CPD: variants seen among roughly 807,000 people sequenced by gnomAD.
CPD encodes the protein carboxypeptidase D.
Under a neutral mutation model 138.3 loss-of-function variants are expected in CPD, and 69 were observed. That is an observed-to-expected ratio of 0.50 (90% confidence interval 0.41 to 0.61). The LOEUF (loss-of-function observed/expected upper bound fraction) is 0.61. CPD is among the 20% of genes least tolerant of loss of function. CPD has a pLI of 0.00. For synonymous variants in CPD, 651 were observed against 642.1 expected (o/e 1.01, Z -0.21); for missense variants, 1,432 against 1,733.3 (o/e 0.83, Z 3.09).
chr17:30,416,033 G>A (rs1276005499), intron 2 of CPD, among the ~76,000 whole-genome samples: 2 of 152,088 alleles, frequency 1.3e-5, no homozygotes, highest in Admixed American at 6.5e-5. Flanking sequence ...CATTTTTTGC[G>A]AGATGAAAAT....
At chr17:30,426,199 C>CAA (rs35054719) in intron 6 of CPD, among the ~76,000 whole-genome samples, 16 of 105,410 alleles carry the variant, frequency 1.5e-4, no homozygotes, top group Admixed American at 3.9e-4. Context: ...GGCTCCGTCT[C>CAA]AAAAAAAAAA....
At chr17:30,429,178 C>A (rs754959712) in intron 7 of CPD, among the ~76,000 whole-genome samples, 5 of 152,112 alleles carry the variant, frequency 3.3e-5, no homozygotes, top group Non-Finnish European at 7.4e-5. Context: ...CCCTGGTTGG[C>A]AAAATAAATT....
At chr17:30,452,041 G>C (rs999368509) in intron 14 of CPD, among the ~76,000 whole-genome samples, 195 bp downstream of exon 14, 2 of 152,114 alleles carry the variant, frequency 1.3e-5, no homozygotes, top group Non-Finnish European at 2.9e-5. Flanking sequence ...AATAATTTAA[G>C]TTTTTCATAG....
Position 30,423,638 on chromosome 17 carries a change from A to G in CPD, c.1790A>G (p.Asn597Ser). The change falls in exon 6 of 21, where the codon AAC (asparagine) becomes AGC (serine). Residue 597 changes from asparagine (N) to serine (S), a missense_variant. Around this residue, in one of 6 missense-constraint regions of CPD, gnomAD observed 297 missense variants for 405.3 expected, o/e 0.73. Coordinates refer to ENST00000225719, the MANE Select transcript of CPD (RefSeq NM_001304.5). Reference protein sequence around the residue: ...TDPEVTDLVHNTRIHLMPSMN... With the variant: ...TDPEVTDLVHSTRIHLMPSMN... ...CCTGAAGTCACAGATTTGGTTCATA[A>G]CACTAGAATTCACCTTATGCCATCC... 1 of 1,611,594 alleles carries G rather than the reference A, an allele frequency of 6.2e-7. No homozygotes were observed. Among genetic ancestry groups the G allele is most frequent in the Non-Finnish European group, 8.5e-7 (1 of 1,179,042 alleles).
chr17:30,450,057 CTTTT>C (rs931263363), intron 13 of CPD, among the ~76,000 whole-genome samples: 2 of 137,864 alleles, frequency 1.5e-5, no homozygotes, highest in African/African-American at 2.6e-5. Flanking sequence ...TAGTTCTTTA[CTTTT>C]TTTTTTTTTT....
At chr17:30,414,155 G>A (rs1378379225) in intron 2 of CPD, among the ~76,000 whole-genome samples, 2 of 152,192 alleles carry the variant, frequency 1.3e-5, no homozygotes, top group Non-Finnish European at 2.9e-5. Context: ...AGTGAAATAC[G>A]GGGAGTCTCT....
rs779470503 is a variant in CPD at position 30,379,475 on chromosome 17, G to T, written c.495G>T (p.Pro165=). The T allele has an allele frequency of 1.9e-6, 3 of 1,573,294 alleles. No homozygotes were observed. Among genetic ancestry groups the T allele is most frequent in the South Asian group, 2.3e-5 (2 of 87,730 alleles). ...CGGCCGGCTACCGCCGCGGGGACCCGCGCCTGGTCCGCCTGCTCAACACCA... is the reference window on the plus strand; with the variant it reads ...CGGCCGGCTACCGCCGCGGGGACCCTCGCCTGGTCCGCCTGCTCAACACCA... ...ELAAGYRRGD[P]RLVRLLNTTD... The change falls in exon 1 of 21, where the codon CCG becomes CCT. Residue 165 remains proline (P), a synonymous_variant. Coordinates refer to ENST00000225719, the MANE Select transcript of CPD (RefSeq NM_001304.5). The surrounding 1 kb of genome is among the most constrained non-coding windows in gnomAD (Gnocchi z 7.0).
intron 2 of CPD, among the ~76,000 whole-genome samples, chr17:30,399,387 G>A (rs938718572): frequency 6.6e-6 from 1 of 152,040 alleles, no homozygotes; most frequent in Non-Finnish European, 1.5e-5. Context: ...TGTCTTTTCT[G>A]CTGATTACTG....
At chr17:30,421,050 A>G in intron 3 of CPD, 67 bp downstream of exon 3, 2 of 1,385,200 alleles carry the variant, frequency 1.4e-6, no homozygotes, top group South Asian at 1.2e-5. Flanking sequence ...ATTTGGATGC[A>G]TGTGAATGAT....
At chr17:30,439,458 G>A (rs1912797835) in intron 9 of CPD, among the ~76,000 whole-genome samples, 1 of 120,238 alleles carries the variant, frequency 8.3e-6, no homozygotes, top group Non-Finnish European at 1.6e-5. Context: ...TGCACATTGT[G>A]CAGGTTAGTT....
rs746311122 is a variant in CPD, at chr17:30,423,038, CT to C, written c.1657+17del. 1.3e-6 allele frequency: 2 copies of C among 1,564,942 alleles called. No individual in the cohort carries two copies. The highest frequency in any genetic ancestry group is 4.5e-5 in the East Asian group (2 of 44,540). The stretch of plus-strand genomic sequence containing the variant: ...CCATGAACCAGGTAATTGGTATGGT[CT>C]TACACATAATTTCAGTAGTGCCCCT... On this transcript the variant is annotated intron_variant, in intron 5 of 20. Transcript: ENST00000225719.
At chr17:30,413,845 A>G (rs548679536) in intron 2 of CPD, among the ~76,000 whole-genome samples, 13 of 152,290 alleles carry the variant, frequency 8.5e-5, no homozygotes, top group Admixed American at 2.0e-4. Context: ...AGCAACTTCA[A>G]TTGGGGAGGT....
At chr17:30,464,565 A>T in intron 20 of CPD, 23 bp from the exon 21 acceptor site, 2 of 1,595,056 alleles carry the variant, frequency 1.3e-6, no homozygotes, top group Non-Finnish European at 8.6e-7. Context: ...AATATCACCC[A>T]CATGATGGTT....
intron 1 of CPD, among the ~76,000 whole-genome samples, chr17:30,384,625 C>A (rs112139967): frequency 1.3e-5 from 2 of 152,208 alleles, no homozygotes; most frequent in African/African-American, 4.8e-5. Context: ...TTGGCAAGCT[C>A]AAAGCTCATA....
At chr17:30,397,586 A>C (rs542083374) in intron 2 of CPD, among the ~76,000 whole-genome samples, 22 of 151,972 alleles carry the variant, frequency 1.4e-4, no homozygotes, top group African/African-American at 5.3e-4. Context: ...AAAAATAAAA[A>C]AATTAGCCAG....
intron 1 of CPD, among the ~76,000 whole-genome samples, chr17:30,382,881 G>A (rs1911085440): frequency 6.6e-6 from 1 of 152,130 alleles, no homozygotes; most frequent in South Asian, 2.1e-4. Context: ...TCTATCCCTG[G>A]AATGTCCTTT....
At chr17:30,390,219 G>A (rs1004881121) in intron 2 of CPD, among the ~76,000 whole-genome samples, 3 of 152,088 alleles carry the variant, frequency 2.0e-5, no homozygotes, top group African/African-American at 4.8e-5. Flanking sequence ...GTTTTACCAT[G>A]TTGACCAGGC....
At chr17:30,395,976 G>A (rs1244106671) in intron 2 of CPD, among the ~76,000 whole-genome samples, 2 of 152,102 alleles carry the variant, frequency 1.3e-5, no homozygotes. Flanking sequence ...TAAAAATTAG[G>A]AATTTGGGGA....
chr17:30,424,217 C>T (rs940703099), intron 6 of CPD, among the ~76,000 whole-genome samples: 1 of 152,100 alleles, frequency 6.6e-6, no homozygotes, highest in Non-Finnish European at 1.5e-5. Context: ...TATTATCAAT[C>T]GAAAGGAATG....
Sources: allele counts gnomAD v4.1 joint callset (sites outside exome capture counted in the v4.1 genomes callset), GRCh38; gene constraint gnomAD v4.1.1; regional missense constraint gnomAD v4.1.1; non-coding constraint Gnocchi (gnomAD v3.1); transcripts MANE v1.5; gene names NCBI Gene and HGNC (gene_info 2026-07-23, HGNC 2026-07-21).